The following ANKFN1 variants were observed in gnomAD, a reference collection of about 807,000 sequenced individuals.
ANKFN1 encodes the protein ankyrin repeat and fibronectin type III domain containing 1.
ANKFN1 carries 74 observed loss-of-function variants against 108.7 expected under a neutral mutation model. That is an observed-to-expected ratio of 0.68 (90% confidence interval 0.56 to 0.83). The LOEUF is 0.83. ANKFN1 is among the 40% of genes least tolerant of loss of function. The probability of loss-of-function intolerance (pLI) is 0.00; values close to 1 mark genes in which losing one functional copy is unlikely to be tolerated. For synonymous variants in ANKFN1, 547 were observed against 516.2 expected, an observed-to-expected ratio of 1.06 and a Z score of -0.81; for missense variants, 1,505 against 1,382.3, an observed-to-expected ratio of 1.09 and a Z score of -1.41.
At chr17:56,069,842 A>G (rs1004967923) in intron 4 of ANKFN1, among the ~76,000 whole-genome samples, 4 of 152,212 alleles carry the variant, frequency 2.6e-5, no homozygotes, top group African/African-American at 9.6e-5. Flanking sequence ...AGCAGCCCCT[A>G]GGGCTGCTGG....
chr17:56,502,920 C>T (rs1228737122), intron 20 of ANKFN1, among the ~76,000 whole-genome samples: 1 of 152,202 alleles, frequency 6.6e-6, no homozygotes, highest in Non-Finnish European at 1.5e-5. Context: ...AACTCTTTCG[C>T]TTACTTCCCA....
chr17:56,159,004 A>G (rs1441401312), intron 1 of ANKFN1, among the ~76,000 whole-genome samples: 3 of 131,218 alleles, frequency 2.3e-5, no homozygotes, highest in Non-Finnish European at 4.7e-5. Context: ...GATAGAAAAT[A>G]TTTACCACCA....
At chr17:56,095,955 T>C (rs1905525082) in intron 4 of ANKFN1, among the ~76,000 whole-genome samples, 1 of 152,230 alleles carries the variant, frequency 6.6e-6, no homozygotes. Context: ...CAGAGATGCC[T>C]AGTGGAAATC....
intron 4 of ANKFN1, among the ~76,000 whole-genome samples, chr17:56,051,660 C>A (rs1904777571): frequency 7.6e-6 from 1 of 131,134 alleles, no homozygotes; most frequent in African/African-American, 3.0e-5. Flanking sequence ...GACTGTATAT[C>A]TAGAAAACCT....
intron 8 of ANKFN1, among the ~76,000 whole-genome samples, chr17:56,384,167 G>A (rs2047191045): frequency 6.6e-6 from 1 of 152,182 alleles, no homozygotes; most frequent in African/African-American, 2.4e-5. Flanking sequence ...TGCAAGGCTG[G>A]CTCAATATAC....
At chr17:56,310,371 A>T (rs1567903809) in intron 3 of ANKFN1, among the ~76,000 whole-genome samples, 2 of 152,206 alleles carry the variant, frequency 1.3e-5, no homozygotes, top group Non-Finnish European at 2.9e-5. Context: ...TAATCCCAGC[A>T]CTTTGGGAGG....
intron 3 of ANKFN1, among the ~76,000 whole-genome samples, chr17:56,234,120 T>C (rs1916937348): frequency 6.6e-6 from 1 of 152,158 alleles, no homozygotes; most frequent in Non-Finnish European, 1.5e-5. Flanking sequence ...GTTGGTAGCA[T>C]TTGCCAATTT....
intron 1 of ANKFN1, among the ~76,000 whole-genome samples, chr17:56,181,809 A>G (rs1341243885): frequency 6.6e-6 from 1 of 152,154 alleles, no homozygotes. Context: ...CAGATATTGC[A>G]TTTTTTACAA....
intron 3 of ANKFN1, among the ~76,000 whole-genome samples, chr17:56,246,433 T>C (rs1917962183): frequency 6.6e-6 from 1 of 152,188 alleles, no homozygotes; most frequent in Non-Finnish European, 1.5e-5. Flanking sequence ...TATTAGCCAT[T>C]GACCCGCTTT....
intron 1 of ANKFN1, among the ~76,000 whole-genome samples, chr17:56,170,570 C>T (rs1910558117): frequency 6.6e-6 from 1 of 151,506 alleles, no homozygotes; most frequent in Admixed American, 6.6e-5. Flanking sequence ...CAAGACCAGC[C>T]TGGCCAACAT....
chr17:56,283,585 G>A (rs561087176), intron 3 of ANKFN1, among the ~76,000 whole-genome samples: 80 of 150,988 alleles, frequency 5.3e-4, no homozygotes, highest in Non-Finnish European at 9.9e-4. Context: ...AATGGCATTC[G>A]CAGCAACCTG....
intron 20 of ANKFN1, among the ~76,000 whole-genome samples, chr17:56,506,065 A>G (rs146843843): frequency 2.0e-5 from 3 of 151,734 alleles, no homozygotes; most frequent in Admixed American, 6.6e-5. Context: ...TTGTTTGTTT[A>G]TTTGTTTTTT....
At position 56,440,314 on chromosome 17, in the gene ANKFN1, C is replaced by T. The variant is rs752154357; in HGVS notation, c.911-13C>T. 1 of 1,553,300 alleles carries T rather than the reference C, an allele frequency of 6.4e-7. No individual in the cohort carries two copies. Among genetic ancestry groups the T allele is most frequent in the South Asian group, 1.1e-5 (1 of 89,004 alleles). On this transcript the variant is annotated splice_polypyrimidine_tract_variant and intron_variant, in intron 8 of 20. Coordinates refer to ENST00000682825, the MANE Select transcript of ANKFN1 (RefSeq NM_001370326.1). The stretch of plus-strand genomic sequence containing the variant: ...CCTCTTTCTCTCTCTCCCTGCCCCC[C>T]TACTCCCTCCAGTGGAATGGAGTAT...
intron 3 of ANKFN1, among the ~76,000 whole-genome samples, chr17:56,255,195 A>T: frequency 6.6e-6 from 1 of 152,184 alleles, no homozygotes; most frequent in East Asian, 1.9e-4. Context: ...TTTGGAGAAG[A>T]TGGTACTGTT....
chr17:56,062,811 C>T (rs1904997994), intron 4 of ANKFN1, among the ~76,000 whole-genome samples: 1 of 152,064 alleles, frequency 6.6e-6, no homozygotes, highest in Non-Finnish European at 1.5e-5. Context: ...GATGCAGTTT[C>T]TTCATAGTGT....
intron 4 of ANKFN1, among the ~76,000 whole-genome samples, chr17:56,337,948 T>C (rs1162715297): frequency 1.3e-5 from 2 of 152,174 alleles, no homozygotes; most frequent in Non-Finnish European, 2.9e-5. Flanking sequence ...GCGATTCCAT[T>C]ACTGGGTATA....
At chr17:56,385,214 T>A (rs1048295154) in intron 8 of ANKFN1, among the ~76,000 whole-genome samples, 1 of 152,116 alleles carries the variant, frequency 6.6e-6, no homozygotes, top group African/African-American at 2.4e-5. Context: ...AAACAAGCAA[T>A]GGGGAAAGGA....
intron 3 of ANKFN1, among the ~76,000 whole-genome samples, chr17:56,254,951 GC>G (rs1467616930): frequency 6.6e-6 from 1 of 152,138 alleles, no homozygotes; most frequent in Non-Finnish European, 1.5e-5. Context: ...CCTGCCTCCA[GC>G]CATCAGACCA....
chr17:56,346,369 C>T (rs534153232), intron 4 of ANKFN1, among the ~76,000 whole-genome samples: 20 of 151,948 alleles, frequency 1.3e-4, no homozygotes, highest in East Asian at 1.9e-4. Flanking sequence ...CTTGGCTATA[C>T]GGGCTCTTTT....
Sources: gnomAD v4.1 joint callset for allele counts (sites outside exome capture counted in the v4.1 genomes callset) on GRCh38, gnomAD v4.1.1 for gene constraint, MANE v1.5 for transcripts, NCBI Gene and HGNC (gene_info 2026-07-23, HGNC 2026-07-21) for gene names.